Variants in SGSM1 observed in about 807,000 individuals in gnomAD.
The protein encoded by SGSM1 is RUN and TBC1 domain containing 2.
SGSM1 carries 73 observed loss-of-function variants against 133.8 expected under a neutral mutation model. The observed-to-expected ratio is 0.55, with a 90% CI of 0.45 to 0.66. The LOEUF (loss-of-function observed/expected upper bound fraction) is 0.66, where lower values mean the gene tolerates loss of function less well. SGSM1 is among the 30% of genes least tolerant of loss of function. The pLI is 0.00. For missense variants in SGSM1, 1,213 were observed against 1,448.1 expected (o/e 0.84, Z 2.64); for synonymous variants, 563 against 573.0 (o/e 0.98, Z 0.25).
At chr22:24,901,998 T>A (rs139739) in intron 20 of SGSM1, 41 bp downstream of exon 20, 1 of 571,980 alleles carries the variant, frequency 1.7e-6, no homozygotes, top group East Asian at 4.7e-5. Flanking sequence ...ATGGGGATGG[T>A]GGGTGGGTGG....
chr22:24,835,276 G>A (rs1314434987), intron 2 of SGSM1, among the ~76,000 whole-genome samples: 1 of 152,106 alleles, frequency 6.6e-6, no homozygotes, highest in Non-Finnish European at 1.5e-5. Context: ...AGCACACACC[G>A]TGTACCAAGC....
chr22:24,868,823 G>C lies in SGSM1; in HGVS notation c.1259G>C (p.Arg420Thr). 1.2e-6 allele frequency: 2 copies of C among 1,613,990 alleles called. No individual in the cohort carries two copies. Among genetic ancestry groups the C allele is most frequent in the Non-Finnish European group, 1.7e-6 (2 of 1,179,896 alleles). The change falls in exon 12 of 25, where the codon AGG becomes ACG. Residue 420 changes from arginine (R) to threonine (T), a missense_variant. Arg to Thr is a moderately conservative substitution (Grantham distance 71, BLOSUM62 -1). Coordinates refer to ENST00000400358, the MANE Select transcript of SGSM1 (RefSeq NM_001098497.3). ...DDDEATDYVFRIIYPGMQSEF... is the reference protein window; with the variant it reads ...DDDEATDYVFTIIYPGMQSEF... ...GATGAGGCCACGGATTATGTGTTCA[G>C]GATCATCTACCCTGGCATGCAGTCG... is the stretch of plus-strand genomic sequence containing the variant.
At position 24,855,590 on chromosome 22, in the gene SGSM1, A is replaced by G; in HGVS notation, c.711A>G (p.Pro237=). ...CCAGTGGCAGCATGGATGACCGGCC[A>G]TCCCTCTCTGCCCGCGACTACGTGG... is the stretch of plus-strand genomic sequence containing the variant. ...RHSSGSMDDR[P]SLSARDYVES... is the part of the protein sequence containing the mutation. The change falls in exon 8 of 25, where the codon CCA becomes CCG. Residue 237 remains proline (P), a synonymous_variant. Transcript: ENST00000400358. 11 of 1,613,926 alleles carry G rather than the reference A, an allele frequency of 6.8e-6. No homozygotes were observed. The highest frequency in any genetic ancestry group is 9.3e-6 in the Non-Finnish European group (11 of 1,179,874).
At chr22:24,891,740 A>G (rs1932817758) in intron 16 of SGSM1, among the ~76,000 whole-genome samples, 1 of 152,174 alleles carries the variant, frequency 6.6e-6, no homozygotes, top group South Asian at 2.1e-4. Flanking sequence ...CTGCAGGAGC[A>G]TATGGGAAGC....
At position 24,926,841 on chromosome 22, in the gene SGSM1, T is replaced by C. The variant is rs943957197; in HGVS notation, c.*2567T>C. On this transcript the variant is annotated 3_prime_UTR_variant, in exon 25 of 25. Coordinates refer to ENST00000400358, the MANE Select transcript of SGSM1 (RefSeq NM_001098497.3). ...GAAAATATATATAAACAGAGAAATA[T>C]GTGAATCTGTTTTTTTTTGTCTTTT... 4.8e-5 allele frequency: 7 copies of C among 144,730 alleles called. No individual in the cohort carries two copies. The highest frequency in any genetic ancestry group is 9.1e-5 in the Non-Finnish European group (6 of 66,074). The allele number at this position is 144,730 out of a possible 1,614,324, so 9.0% of individuals were successfully genotyped here.
intron 5 of SGSM1, among the ~76,000 whole-genome samples, chr22:24,850,963 T>C (rs946811759): frequency 1.3e-5 from 2 of 151,650 alleles, no homozygotes; most frequent in Admixed American, 6.6e-5. Flanking sequence ...TAGCCGGGCG[T>C]GGTGGCAGGT....
chr22:24,816,417 CTTTTTT>C, intron 2 of SGSM1, among the ~76,000 whole-genome samples: 1 of 130,096 alleles, frequency 7.7e-6, no homozygotes, highest in Non-Finnish European at 1.6e-5. Context: ...TTTTTTCTTT[CTTTTTT>C]TTTTTTTTTT....
intron 2 of SGSM1, among the ~76,000 whole-genome samples, chr22:24,833,647 A>G (rs992651273): frequency 5.7e-5 from 7 of 122,306 alleles, no homozygotes; most frequent in African/African-American, 2.6e-4. Flanking sequence ...ACAGAGCGAG[A>G]CTCCGTCTCA....
rs1930239383 is a variant in SGSM1 at position 24,847,882 on chromosome 22, C to T, written c.302+86C>T. On this transcript the variant is annotated intron_variant, in intron 4 of 24. Coordinates refer to ENST00000400358, the MANE Select transcript of SGSM1 (RefSeq NM_001098497.3). Reference sequence around the variant, plus strand: ...TGGGTCCTGAGAGAGCCTGCAACCCCTAGCACTCTTTTCAGTCTCCATCCT... The same window carrying T: ...TGGGTCCTGAGAGAGCCTGCAACCCTTAGCACTCTTTTCAGTCTCCATCCT... 6 of 1,494,880 alleles carry T rather than the reference C, an allele frequency of 4.0e-6. No individual in the cohort carries two copies. In the South Asian group the frequency reaches 8.0e-5, roughly 20 times the overall value. The allele number at this position is 1,494,880 out of a possible 1,614,324, so 92.6% of individuals were successfully genotyped here.
chr22:24,809,867 A>C (rs1278979851), intron 2 of SGSM1, among the ~76,000 whole-genome samples: 1 of 152,240 alleles, frequency 6.6e-6, no homozygotes, highest in Non-Finnish European at 1.5e-5. Context: ...AACAGGGACA[A>C]CTGACCATGT....
intron 17 of SGSM1, among the ~76,000 whole-genome samples, chr22:24,894,786 T>C (rs1330106086): frequency 6.6e-6 from 1 of 152,038 alleles, no homozygotes; most frequent in Non-Finnish European, 1.5e-5. Flanking sequence ...TAACATCCCA[T>C]TGACAAAAGC....
At chr22:24,841,062 A>G (rs139658) in intron 2 of SGSM1, among the ~76,000 whole-genome samples, 126,724 of 151,708 alleles carry the variant, frequency 0.84, 53,478 homozygotes, top group African/African-American at 0.94. Flanking sequence ...GTGTTAGCCA[A>G]GATGGTCTCG....
intron 2 of SGSM1, among the ~76,000 whole-genome samples, chr22:24,831,586 G>C (rs999879832): frequency 2.0e-5 from 3 of 152,190 alleles, no homozygotes; most frequent in Non-Finnish European, 4.4e-5. Context: ...CCTGGAGGCA[G>C]TCAGGGCCTT....
At chr22:24,891,745 G>T (rs904697902) in intron 16 of SGSM1, among the ~76,000 whole-genome samples, 7 of 152,156 alleles carry the variant, frequency 4.6e-5, no homozygotes, top group African/African-American at 1.7e-4. Flanking sequence ...GGAGCATATG[G>T]GAAGCACCTA....
intron 2 of SGSM1, among the ~76,000 whole-genome samples, chr22:24,808,998 C>T (rs1374493185): frequency 1.3e-5 from 2 of 152,192 alleles, no homozygotes; most frequent in African/African-American, 4.8e-5. Flanking sequence ...TTCTACTGTA[C>T]AGATGAGAAC....
chr22:24,883,954 T>A, intron 14 of SGSM1, 99 bp from the exon 15 acceptor site: 7 of 1,402,870 alleles, frequency 5.0e-6, no homozygotes, highest in Non-Finnish European at 6.5e-6. Flanking sequence ...ACAAAAATTT[T>A]AAAAAATTTG....
intron 24 of SGSM1, among the ~76,000 whole-genome samples, chr22:24,923,176 G>A (rs2123755817): frequency 6.6e-6 from 1 of 152,256 alleles, no homozygotes. Flanking sequence ...TGATGGGAGT[G>A]TAGTGAAATT....
chr22:24,852,662 C>T (rs972565784), intron 5 of SGSM1, among the ~76,000 whole-genome samples: 5 of 152,122 alleles, frequency 3.3e-5, no homozygotes, highest in Non-Finnish European at 7.3e-5. Context: ...AGACTGGTCT[C>T]GAACTCCTGG....
At chr22:24,904,240 GC>G (rs1933282187) in intron 20 of SGSM1, among the ~76,000 whole-genome samples, 1 of 152,116 alleles carries the variant, frequency 6.6e-6, no homozygotes, top group South Asian at 2.1e-4. Flanking sequence ...AATGGCTCAT[GC>G]CTGTGAAATG....
Sources: allele counts gnomAD v4.1 joint callset (sites outside exome capture counted in the v4.1 genomes callset), GRCh38; gene constraint gnomAD v4.1.1; transcripts MANE v1.5; gene names NCBI Gene and HGNC (gene_info 2026-07-23, HGNC 2026-07-21).